SYNE3: variants seen among roughly 807,000 people sequenced by gnomAD.
The protein encoded by SYNE3 is spectrin repeat containing nuclear envelope family member 3.
A neutral mutation model predicts 111.2 loss-of-function variants in SYNE3; 100 were observed. That is an observed-to-expected ratio of 0.90 (90% CI 0.77 to 1.06). SYNE3 has a LOEUF of 1.06. Among genes scored for constraint, SYNE3 ranks in the 50% least tolerant of loss-of-function variants. SYNE3 has a pLI of 0.00. For missense variants in SYNE3, 1,160 were observed against 1,240.3 expected (o/e 0.94, Z 0.97); for synonymous variants, 547 against 533.9 (o/e 1.02, Z -0.34).
intron 1 of SYNE3, among the ~76,000 whole-genome samples, chr14:95,493,793 CAA>C (rs1889957982): frequency 6.6e-6 from 1 of 152,236 alleles, no homozygotes; most frequent in African/African-American, 2.4e-5. Flanking sequence ...GTTCTCAACC[CAA>C]CAGCCCATCA....
intron 1 of SYNE3, among the ~76,000 whole-genome samples, chr14:95,501,394 TG>T (rs1166117643): frequency 6.6e-6 from 1 of 152,218 alleles, no homozygotes; most frequent in African/African-American, 2.4e-5. Flanking sequence ...GTAGAGGAGC[TG>T]GTGACTGAGG....
Position 95,408,748 on chromosome 14 carries a change from T to C in SYNE3, c.*9078A>G, listed in dbSNP as rs1405634534. The C allele has an allele frequency of 6.2e-6, 1 of 161,768 alleles. No individual in the cohort carries two copies. Among genetic ancestry groups the C allele is most frequent in the Non-Finnish European group, 1.2e-5 (1 of 86,290 alleles). The allele number at this position is 161,768 out of a possible 1,614,324, so 10.0% of individuals were successfully genotyped here. On this transcript the variant is annotated 3_prime_UTR_variant, in exon 18 of 18. Coordinates refer to ENST00000682763, the MANE Select transcript of SYNE3 (RefSeq NM_152592.6). ...TGCACACACAGCTTCCTCTGTCCGC[T>C]TCCTCCTCCCCAGTAAAACTTCTGG...
intron 17 of SYNE3, among the ~76,000 whole-genome samples, chr14:95,428,985 GT>G (rs1479790594): frequency 6.6e-6 from 1 of 152,174 alleles, no homozygotes; most frequent in African/African-American, 2.4e-5. Context: ...TATGTGGAAT[GT>G]TTTCAAGTTG....
intron 17 of SYNE3, among the ~76,000 whole-genome samples, chr14:95,421,754 T>A (rs1595171417): frequency 1.3e-5 from 2 of 152,204 alleles, no homozygotes; most frequent in Non-Finnish European, 2.9e-5. Context: ...TCCAGTCCCA[T>A]CAGGGAAGAA....
chr14:95,498,632 G>T (rs1428211785), intron 1 of SYNE3, among the ~76,000 whole-genome samples: 3 of 152,218 alleles, frequency 2.0e-5, no homozygotes, highest in Non-Finnish European at 2.9e-5. Flanking sequence ...AGTATGTATA[G>T]AATAGGACTG....
intron 1 of SYNE3, among the ~76,000 whole-genome samples, chr14:95,478,098 G>C (rs886846914): frequency 1.1e-4 from 16 of 152,150 alleles, no homozygotes; most frequent in African/African-American, 3.6e-4. Flanking sequence ...ATGAAACCCA[G>C]GGACCCGGTG....
chr14:95,466,658 G>C (rs8012079), intron 3 of SYNE3, among the ~76,000 whole-genome samples: 105,894 of 152,090 alleles, frequency 0.7, 37,124 homozygotes, highest in African/African-American at 0.76. Context: ...TCTCCAGGCC[G>C]CTGGCACACG....
intron 9 of SYNE3, among the ~76,000 whole-genome samples, 163 bp downstream of exon 9, chr14:95,445,746 C>T (rs903882087): frequency 5.3e-5 from 8 of 152,228 alleles, no homozygotes; most frequent in Non-Finnish European, 1.2e-4. Flanking sequence ...ACCCAGTTTA[C>T]ACATGAGGAG....
intron 8 of SYNE3, among the ~76,000 whole-genome samples, chr14:95,449,020 C>T (rs1886887421): frequency 6.6e-6 from 1 of 152,114 alleles, no homozygotes; most frequent in Non-Finnish European, 1.5e-5. Flanking sequence ...GAGTCTTTTC[C>T]CACTCTTTGT....
intron 1 of SYNE3, among the ~76,000 whole-genome samples, chr14:95,490,917 C>G (rs1889818448): frequency 6.6e-6 from 1 of 152,252 alleles, no homozygotes; most frequent in South Asian, 2.1e-4. Context: ...GTCTACCTTC[C>G]CATTAGAATG....
chr14:95,426,784 A>G (rs1432905335), intron 17 of SYNE3, among the ~76,000 whole-genome samples: 1 of 151,728 alleles, frequency 6.6e-6, no homozygotes, highest in Admixed American at 6.6e-5. Flanking sequence ...TACTAAAAAT[A>G]CAAAAAAAAA....
Position 95,449,934 on chromosome 14 carries a change from G to A in SYNE3, c.1446C>T (p.Ile482=), listed in dbSNP as rs761334868. Residue 482 remains isoleucine, a synonymous_variant, in exon 8 of 18, where the codon ATC becomes ATT. Coordinates refer to ENST00000682763, the MANE Select transcript of SYNE3 (RefSeq NM_152592.6). ...CAGTTGGCAGGACCACGGTTACCTC[G>A]ATCTGGGGCAGGAAGGTGTGAAGGG... ...LPSLHTFLPQ[I]EAALMESSRL... The A allele has an allele frequency of 1.6e-4, 251 of 1,552,146 alleles. No homozygotes were observed. Among genetic ancestry groups the A allele is most frequent in the Admixed American group, 2.3e-4 (12 of 51,276 alleles).
intron 1 of SYNE3, among the ~76,000 whole-genome samples, chr14:95,512,350 T>C: frequency 6.6e-6 from 1 of 152,206 alleles, no homozygotes; most frequent in East Asian, 1.9e-4. Flanking sequence ...TAATGGAATA[T>C]ATGCGCCTCC....
chr14:95,495,954 T>C (rs1890074458), intron 1 of SYNE3, among the ~76,000 whole-genome samples: 1 of 151,616 alleles, frequency 6.6e-6, no homozygotes, highest in Non-Finnish European at 1.5e-5. Context: ...CTCTCAAGAG[T>C]ATGGCTTGAA....
chr14:95,429,315 G>A (rs1885613621), intron 17 of SYNE3, among the ~76,000 whole-genome samples: 1 of 152,172 alleles, frequency 6.6e-6, no homozygotes, highest in Non-Finnish European at 1.5e-5. Context: ...TTTAAATTTG[G>A]AAGACTGCGG....
At chr14:95,498,433 G>T (rs1183970978) in intron 1 of SYNE3, among the ~76,000 whole-genome samples, 1 of 152,198 alleles carries the variant, frequency 6.6e-6, no homozygotes, top group African/African-American at 2.4e-5. Flanking sequence ...TGGCCAGGCT[G>T]GTCTCGAACT....
chr14:95,420,132 G>C lies in SYNE3; in HGVS notation c.2728-2106C>G, dbSNP rs543558503. ...CTTTAGACACTGATTTTATAAAACA[G>C]GCTGATTATAACCATGAATAAGTAC... On this transcript the variant is annotated intron_variant, in intron 17 of 17. Coordinates refer to ENST00000682763, the MANE Select transcript of SYNE3 (RefSeq NM_152592.6). Among the ~76,000 whole-genome samples the C allele has an allele frequency of 2.0e-5, 3 of 150,930 alleles. No individual in the cohort carries two copies. In the South Asian group the frequency reaches 6.3e-4, roughly 32 times the overall value.
At chr14:95,456,850 C>T (rs1435816321) in intron 5 of SYNE3, among the ~76,000 whole-genome samples, 12 of 151,964 alleles carry the variant, frequency 7.9e-5, no homozygotes, top group African/African-American at 2.9e-4. Flanking sequence ...TTTGGGAGCC[C>T]GAGGCTGGCA....
intron 1 of SYNE3, among the ~76,000 whole-genome samples, chr14:95,484,674 T>C (rs889791680): frequency 5.3e-5 from 8 of 152,172 alleles, no homozygotes; most frequent in Non-Finnish European, 8.8e-5. Context: ...GGTTGTGAAA[T>C]CTACTCAGGG....
Sources: gnomAD v4.1 joint callset for allele counts (sites outside exome capture counted in the v4.1 genomes callset) on GRCh38, gnomAD v4.1.1 for gene constraint, MANE v1.5 for transcripts, NCBI Gene and HGNC (gene_info 2026-07-23, HGNC 2026-07-21) for gene names.